ANKS1B: variants seen among roughly 807,000 people sequenced by gnomAD.
The protein encoded by ANKS1B is ankyrin repeat and sterile alpha motif domain containing 1B, also known as ankyrin repeat and sterile alpha motif domain-containing protein 1B.
In ANKS1B, 36 loss-of-function variants were observed where a neutral mutation model predicts 148.3. The observed-to-expected ratio is 0.24, with a 90% CI of 0.19 to 0.32. ANKS1B has a LOEUF of 0.32. Among genes scored for constraint, ANKS1B ranks in the 10% least tolerant of loss-of-function variants. ANKS1B has a pLI of 1.00. For synonymous variants in ANKS1B, 542 were observed against 560.8 expected, an observed-to-expected ratio of 0.97 and a Z score of 0.47; for missense variants, 1,157 against 1,542.6, an observed-to-expected ratio of 0.75 and a Z score of 4.19.
At chr12:99,562,915 T>C (rs2097351961) in intron 9 of ANKS1B, among the ~76,000 whole-genome samples, 1 of 152,232 alleles carries the variant, frequency 6.6e-6, no homozygotes, top group Admixed American at 6.5e-5. Context: ...AATAACTTTC[T>C]GCAGCTTCTC....
chr12:99,829,268 T>C (rs2083606956), intron 1 of ANKS1B, among the ~76,000 whole-genome samples: 1 of 152,104 alleles, frequency 6.6e-6, no homozygotes, highest in Admixed American at 6.5e-5. Flanking sequence ...CCCAGCACTT[T>C]AGGAGACCAA....
intron 12 of ANKS1B, among the ~76,000 whole-genome samples, chr12:99,349,218 CA>C (rs1173201753): frequency 3.3e-5 from 5 of 151,284 alleles, no homozygotes; most frequent in African/African-American, 1.2e-4. Flanking sequence ...AAAGGGATTA[CA>C]AAAGGAAATT....
chr12:99,486,082 A>G lies in ANKS1B; in HGVS notation c.1438+18394T>C, dbSNP rs140481648. Among the ~76,000 whole-genome samples, 820 of 152,282 alleles carry G rather than the reference A, an allele frequency of 5.4e-3. 5 individuals are homozygous for G. Among genetic ancestry groups the G allele is most frequent in the African/African-American group, 0.019 (791 of 41,554 alleles). ...TGCTGGAGAGCTAGTGTGATCTTTCAGAGATGTTATAGAATCCTGTTTTGT... is the reference window on the plus strand; with the variant it reads ...TGCTGGAGAGCTAGTGTGATCTTTCGGAGATGTTATAGAATCCTGTTTTGT... On this transcript the variant is annotated intron_variant, in intron 10 of 26. Transcript: ENST00000683438.
At chr12:99,834,012 C>T (rs574703823) in intron 1 of ANKS1B, among the ~76,000 whole-genome samples, 16 of 152,202 alleles carry the variant, frequency 1.1e-4, no homozygotes, top group Middle Eastern at 3.4e-3. Flanking sequence ...CACATATCCA[C>T]ATATCCATAG....
chr12:99,259,159 T>C (rs1200942037), intron 12 of ANKS1B, among the ~76,000 whole-genome samples: 1 of 152,162 alleles, frequency 6.6e-6, no homozygotes, highest in East Asian at 1.9e-4. Context: ...ATGGCATCAG[T>C]ACAATGCACC....
intron 8 of ANKS1B, among the ~76,000 whole-genome samples, chr12:99,666,395 C>A (rs2098507042): frequency 6.6e-6 from 1 of 152,170 alleles, no homozygotes; most frequent in Admixed American, 6.5e-5. Context: ...AATATCTAAA[C>A]CACATTGTCC....
intron 12 of ANKS1B, among the ~76,000 whole-genome samples, chr12:99,307,589 A>G (rs896229812): frequency 1.3e-5 from 2 of 152,118 alleles, no homozygotes; most frequent in African/African-American, 4.8e-5. Context: ...ATGAGAAGGA[A>G]GAGGCAAAGA....
intron 10 of ANKS1B, among the ~76,000 whole-genome samples, chr12:99,484,514 G>C (rs1034334807): frequency 1.3e-5 from 2 of 151,870 alleles, no homozygotes; most frequent in Admixed American, 1.3e-4. Flanking sequence ...TACATTTGTT[G>C]TATTATGCCA....
chr12:99,614,631 T>C (rs116497717), intron 9 of ANKS1B, among the ~76,000 whole-genome samples: 1,741 of 152,090 alleles, frequency 0.011, 45 homozygotes, highest in Middle Eastern at 0.02. Flanking sequence ...CCTATACAAA[T>C]GCACCAACAA....
chr12:99,537,446 T>A (rs971377106), intron 9 of ANKS1B, among the ~76,000 whole-genome samples: 4 of 152,148 alleles, frequency 2.6e-5, no homozygotes, highest in Admixed American at 2.6e-4. Context: ...TCTTCTGAAT[T>A]AAGCCATTTT....
At chr12:99,382,992 C>A (rs1263705773) in intron 12 of ANKS1B, among the ~76,000 whole-genome samples, 1 of 151,962 alleles carries the variant, frequency 6.6e-6, no homozygotes, top group Admixed American at 6.6e-5. Flanking sequence ...CTTTCACAGT[C>A]AATCAAAAGC....
chr12:99,620,510 A>G (rs2098034011), intron 9 of ANKS1B, among the ~76,000 whole-genome samples: 1 of 152,236 alleles, frequency 6.6e-6, no homozygotes, highest in Non-Finnish European at 1.5e-5. Context: ...AAATGGAGGA[A>G]TAGATAAACA....
At chr12:99,516,128 C>G (rs531475634) in intron 9 of ANKS1B, among the ~76,000 whole-genome samples, 2 of 151,966 alleles carry the variant, frequency 1.3e-5, no homozygotes, top group Non-Finnish European at 2.9e-5. Flanking sequence ...TGTTGTTTCC[C>G]TTGCTGTGCA....
chr12:99,383,928 G>A (rs1296161168), intron 12 of ANKS1B, among the ~76,000 whole-genome samples: 1 of 151,972 alleles, frequency 6.6e-6, no homozygotes, highest in Non-Finnish European at 1.5e-5. Flanking sequence ...TACTCAAGAG[G>A]CTGAAGCTGG....
chr12:98,847,347 T>C (rs1203896148), intron 17 of ANKS1B, among the ~76,000 whole-genome samples: 1 of 152,144 alleles, frequency 6.6e-6, no homozygotes, highest in South Asian at 2.1e-4. Flanking sequence ...CACATTGAAG[T>C]GAGATCATAT....
chr12:99,251,352 CAT>C (rs1385727382), intron 12 of ANKS1B, among the ~76,000 whole-genome samples: 1 of 152,082 alleles, frequency 6.6e-6, no homozygotes, highest in Non-Finnish European at 1.5e-5. Context: ...ACATAATAAT[CAT>C]GTGGGATTTA....
rs1363241422 is a variant in ANKS1B, at chr12:99,796,876, T to C, written c.669+9528A>G. Reference sequence around the variant, plus strand: ...ATGTTAAGTAGAACTAATGTTTTCATACAATAAGAAGACACAGAATTCTTC... The same window carrying C: ...ATGTTAAGTAGAACTAATGTTTTCACACAATAAGAAGACACAGAATTCTTC... On this transcript the variant is annotated intron_variant, in intron 4 of 26. Coordinates refer to ENST00000683438, the MANE Select transcript of ANKS1B (RefSeq NM_001352186.2). 5.9e-5 allele frequency among the ~76,000 whole-genome samples: 9 copies of C among 151,972 alleles called. No individual in the cohort carries two copies. In the East Asian group the frequency reaches 1.7e-3, roughly 29 times the overall value.
At chr12:99,811,474 T>G (rs940854424) in intron 3 of ANKS1B, among the ~76,000 whole-genome samples, 1 of 151,890 alleles carries the variant, frequency 6.6e-6, no homozygotes, top group African/African-American at 2.4e-5. Context: ...GGGGACCATA[T>G]TTTACTTTCT....
At chr12:99,267,978 T>C (rs1036520095) in intron 12 of ANKS1B, among the ~76,000 whole-genome samples, 1 of 152,172 alleles carries the variant, frequency 6.6e-6, no homozygotes, top group East Asian at 1.9e-4. Flanking sequence ...GGTTATAATG[T>C]TTGAGGGATA....
Sources: gnomAD v4.1 joint callset for allele counts (sites outside exome capture counted in the v4.1 genomes callset) on GRCh38, gnomAD v4.1.1 for gene constraint, MANE v1.5 for transcripts, NCBI Gene and HGNC (gene_info 2026-07-23, HGNC 2026-07-21) for gene names.